Variants in TMTC2 observed in about 807,000 individuals in gnomAD.
TMTC2 encodes the protein transmembrane O-mannosyltransferase targeting cadherins 2, also known as protein O-mannosyl-transferase TMTC2.
TMTC2 carries 43 observed loss-of-function variants against 82.4 expected under a neutral mutation model. The ratio of observed to expected loss-of-function variants is 0.52; its 90% CI spans 0.41 to 0.67. The LOEUF is 0.67. Among genes scored for constraint, TMTC2 ranks in the 30% least tolerant of loss-of-function variants. The probability of loss-of-function intolerance (pLI) is 0.00; values close to 1 mark genes in which losing one functional copy is unlikely to be tolerated. For missense variants in TMTC2, 919 were observed against 1,012.4 expected (o/e 0.91, Z 1.25); for synonymous variants, 408 against 381.9 (o/e 1.07, Z -0.80).
chr12:82,742,521 C>CTT (rs369523726), intron 1 of TMTC2, among the ~76,000 whole-genome samples: 1 of 140,582 alleles, frequency 7.1e-6, no homozygotes. Flanking sequence ...CCTGTATATT[C>CTT]TTTTTTTTTT....
At chr12:83,016,714 T>C (rs1880696122) in intron 8 of TMTC2, among the ~76,000 whole-genome samples, 1 of 152,218 alleles carries the variant, frequency 6.6e-6, no homozygotes. Flanking sequence ...GGTAGTGAAC[T>C]TCTGGAACAT....
chr12:82,857,368 T>C lies in TMTC2; in HGVS notation c.442T>C (p.Phe148Leu), dbSNP rs2137115984. The change falls in exon 2 of 12, where the codon TTT becomes CTT. Residue 148 changes from phenylalanine to leucine, a missense_variant. Phe to Leu is a conservative substitution (Grantham distance 22, BLOSUM62 0). Transcript: ENST00000321196. ...GRADVGASLF[F>L]LLSLLCYIKH... is the part of the protein sequence containing the mutation. ...AGCCGATGTCGGGGCCAGTCTCTTC[T>C]TTCTCCTCTCCTTGCTCTGCTACAT... 2.5e-6 allele frequency: 4 copies of C among 1,614,172 alleles called. No homozygotes were observed.
chr12:82,832,175 T>C (rs1025442602), intron 1 of TMTC2, among the ~76,000 whole-genome samples: 9 of 152,156 alleles, frequency 5.9e-5, no homozygotes, highest in Admixed American at 5.9e-4. Flanking sequence ...GCTAGGTTTC[T>C]CTGATTATTT....
intron 8 of TMTC2, among the ~76,000 whole-genome samples, chr12:83,018,736 A>G (rs934202561): frequency 2.0e-5 from 3 of 151,176 alleles, no homozygotes; most frequent in Non-Finnish European, 4.4e-5. Context: ...AGTATCACTC[A>G]GGTCTCAAGA....
intron 11 of TMTC2, among the ~76,000 whole-genome samples, chr12:83,069,601 C>T (rs909160104): frequency 5.3e-5 from 8 of 151,946 alleles, no homozygotes; most frequent in South Asian, 4.2e-4. Context: ...TAGTCCCTGG[C>T]GAGATGTATA....
At chr12:82,916,329 A>C (rs992778714) in intron 3 of TMTC2, among the ~76,000 whole-genome samples, 3 of 152,192 alleles carry the variant, frequency 2.0e-5, no homozygotes, top group Admixed American at 2.0e-4. Context: ...TATATTTGAA[A>C]ATGCAGTTAT....
intron 3 of TMTC2, among the ~76,000 whole-genome samples, chr12:82,921,523 G>A (rs913638312): frequency 1.9e-4 from 29 of 151,458 alleles, no homozygotes; most frequent in South Asian, 4.2e-4. Context: ...CCATTCTTTC[G>A]CTCTCTTTAG....
At chr12:83,100,108 TG>T (rs1372294975) in intron 11 of TMTC2, among the ~76,000 whole-genome samples, 2 of 151,970 alleles carry the variant, frequency 1.3e-5, no homozygotes, top group Non-Finnish European at 2.9e-5. Context: ...TTAGTAAAGA[TG>T]GGGTTTCACC....
chr12:83,026,897 T>C (rs1364487633), intron 8 of TMTC2, among the ~76,000 whole-genome samples: 3 of 152,092 alleles, frequency 2.0e-5, no homozygotes, highest in Admixed American at 6.6e-5. Flanking sequence ...GAAAACAAAA[T>C]CAATTAGCTT....
In TMTC2 at chr12:83,072,305, A is replaced by G. The variant is rs191424212; in HGVS notation, c.2331+10474A>G. ...GCAAGTTTTTAATTTCTATATTTGC[A>G]TGGTTCTGAAGGTTCCTTTTGGAGT... On this transcript the variant is annotated intron_variant, in intron 11 of 11. Coordinates refer to ENST00000321196, the MANE Select transcript of TMTC2 (RefSeq NM_152588.3). Among the ~76,000 whole-genome samples, 23 of 152,158 alleles carry G rather than the reference A, an allele frequency of 1.5e-4. No individual in the cohort carries two copies. In the East Asian group the frequency reaches 3.7e-3, roughly 24 times the overall value.
intron 1 of TMTC2, among the ~76,000 whole-genome samples, chr12:82,803,654 G>A (rs929980173): frequency 1.3e-5 from 2 of 152,058 alleles, no homozygotes; most frequent in African/African-American, 4.8e-5. Flanking sequence ...GGTTGAGCAT[G>A]CATACACCTC....
At chr12:83,095,341 C>T (rs527940970) in intron 11 of TMTC2, among the ~76,000 whole-genome samples, 18 of 151,172 alleles carry the variant, frequency 1.2e-4, no homozygotes, top group South Asian at 4.2e-4. Flanking sequence ...CCCGGGTTCA[C>T]GCCATTCTCC....
chr12:82,790,139 C>T (rs1431387600), intron 1 of TMTC2, among the ~76,000 whole-genome samples: 1 of 149,536 alleles, frequency 6.7e-6, no homozygotes, highest in East Asian at 2.0e-4. Context: ...AGGTTCCTTG[C>T]ACCATACACT....
intron 11 of TMTC2, among the ~76,000 whole-genome samples, chr12:83,087,340 G>A (rs1489556839): frequency 6.6e-6 from 1 of 151,930 alleles, no homozygotes; most frequent in Non-Finnish European, 1.5e-5. Context: ...TTGACCCCTC[G>A]AAGTCATCCA....
At chr12:82,929,689 G>T (rs1039686178) in intron 3 of TMTC2, among the ~76,000 whole-genome samples, 2 of 152,086 alleles carry the variant, frequency 1.3e-5, no homozygotes, top group African/African-American at 4.8e-5. Context: ...AAGTAAGAAG[G>T]CAAGAAAAGA....
chr12:82,991,374 C>T (rs1414433798), intron 8 of TMTC2, among the ~76,000 whole-genome samples: 2 of 151,990 alleles, frequency 1.3e-5, no homozygotes, highest in South Asian at 4.1e-4. Context: ...CTTTTTATAA[C>T]TTATTTTTAG....
In TMTC2 at chr12:83,132,604, C is replaced by T; in HGVS notation, c.*215C>T. The T allele has an allele frequency of 1.9e-6, 1 of 539,406 alleles. No individual in the cohort carries two copies. The highest frequency in any genetic ancestry group is 3.2e-6 in the Non-Finnish European group (1 of 313,568). 33.4% of individuals were successfully genotyped at this position (539,406 alleles called of 1,614,324 possible). ...AAGCCGGAAACCTCCTGGAGGATGT[C>T]ATTGTTACCCATAGACTGTAAACCA... On this transcript the variant is annotated 3_prime_UTR_variant, in exon 12 of 12. Transcript: ENST00000321196.
chr12:82,950,231 GAAT>G (rs897660347), intron 4 of TMTC2, among the ~76,000 whole-genome samples: 1 of 151,970 alleles, frequency 6.6e-6, no homozygotes, highest in Non-Finnish European at 1.5e-5. Flanking sequence ...AAAGTAAAAA[GAAT>G]AATAATTGCT....
At chr12:82,794,128 A>G (rs887185022) in intron 1 of TMTC2, among the ~76,000 whole-genome samples, 1 of 152,110 alleles carries the variant, frequency 6.6e-6, no homozygotes, top group Non-Finnish European at 1.5e-5. Flanking sequence ...AAGAGGGCAC[A>G]TGTGACTTGG....
Sources: allele counts gnomAD v4.1 joint callset (sites outside exome capture counted in the v4.1 genomes callset), GRCh38; gene constraint gnomAD v4.1.1; transcripts MANE v1.5; gene names NCBI Gene and HGNC (gene_info 2026-07-23, HGNC 2026-07-21).